The following RPS6KC1 variants were observed in gnomAD, a reference collection of about 807,000 sequenced individuals.
RPS6KC1 encodes the protein ribosomal protein S6 kinase C1, also known as inactive ribosomal protein S6 kinase delta-1.
In RPS6KC1, 54 loss-of-function variants were observed where a neutral mutation model predicts 103.8. The observed-to-expected ratio is 0.52, with a 90% CI of 0.42 to 0.65. The LOEUF is 0.65. Ranked by LOEUF, RPS6KC1 falls within the 30% of genes least tolerant of loss-of-function variation. RPS6KC1 has a pLI of 0.00. For missense variants in RPS6KC1, 1,151 were observed against 1,253.8 expected, an observed-to-expected ratio of 0.92 and a Z score of 1.24; for synonymous variants, 439 against 438.7, an observed-to-expected ratio of 1.00 and a Z score of -0.01.
At chr1:213,173,981 G>A (rs1488511797) in intron 7 of RPS6KC1, among the ~76,000 whole-genome samples, 1 of 152,186 alleles carries the variant, frequency 6.6e-6, no homozygotes, top group South Asian at 2.1e-4. Flanking sequence ...AGGAGATAGG[G>A]ATGTTGGAGA....
the RPS6KC1 span, among the ~76,000 whole-genome samples, chr1:213,503,397 T>A: frequency 2.6e-5 from 4 of 152,168 alleles, no homozygotes; most frequent in Non-Finnish European, 5.9e-5. Flanking sequence ...ATCAACAGAA[T>A]CTGGGTAGGC....
At chr1:213,404,816 T>TGATACTA in the RPS6KC1 span, among the ~76,000 whole-genome samples, 1 of 152,258 alleles carries the variant, frequency 6.6e-6, no homozygotes, top group Non-Finnish European at 1.5e-5. Context: ...TCTTCTCAAA[T>TGATACTA]GATACTAATG....
At chr1:213,684,468 T>TA in the RPS6KC1 span, among the ~76,000 whole-genome samples, 105 of 152,232 alleles carry the variant, frequency 6.9e-4, no homozygotes, top group Middle Eastern at 0.01. Context: ...AACACCCCAC[T>TA]AGGTGCCTGT....
At chr1:213,115,246 A>G (rs998886882) in intron 4 of RPS6KC1, among the ~76,000 whole-genome samples, 1 of 151,996 alleles carries the variant, frequency 6.6e-6, no homozygotes, top group African/African-American at 2.4e-5. Flanking sequence ...TTATTGGTCT[A>G]TTCAGAGATT....
At chr1:213,193,175 G>A (rs929609326) in intron 8 of RPS6KC1, among the ~76,000 whole-genome samples, 2 of 152,016 alleles carry the variant, frequency 1.3e-5, no homozygotes, top group African/African-American at 4.8e-5. Flanking sequence ...ATTTTCTATA[G>A]CCATTGGAAG....
the RPS6KC1 span, among the ~76,000 whole-genome samples, chr1:213,505,022 ATCTGGGTCACTGGAG>A: frequency 6.6e-6 from 1 of 152,024 alleles, no homozygotes; most frequent in African/African-American, 2.4e-5. Context: ...GGGACCCAAG[ATCTGGGTCACTGGAG>A]TCTATCAATG....
chr1:213,818,717 C>T, the RPS6KC1 span: 6 of 152,314 alleles, frequency 3.9e-5, no homozygotes, highest in Middle Eastern at 0.014. Context: ...AGGCATTTTT[C>T]TCTTCCCTGC....
In RPS6KC1 at chr1:213,190,493, A is replaced by G. The variant is rs1191369492; in HGVS notation, c.1044+14001A>G. On this transcript the variant is annotated intron_variant, in intron 8 of 14. Transcript: ENST00000366960. ...TTCACATCCTTTGTCCATGTTTTAA[A>G]TTAGACTTAGATTTTTTCCTATAGA... Among the ~76,000 whole-genome samples, 3 of 152,084 alleles carry G rather than the reference A, an allele frequency of 2.0e-5. No individual in the cohort carries two copies. The East Asian group carries it at 5.8e-4, about 29-fold the overall frequency.
chr1:213,402,904 G>A, the RPS6KC1 span, among the ~76,000 whole-genome samples: 1 of 148,934 alleles, frequency 6.7e-6, no homozygotes, highest in East Asian at 2.0e-4. Flanking sequence ...CACAAGGTCA[G>A]GAGACAGAGA....
At chr1:213,495,207 A>G in the RPS6KC1 span, among the ~76,000 whole-genome samples, 1 of 152,214 alleles carries the variant, frequency 6.6e-6, no homozygotes, top group East Asian at 1.9e-4. Context: ...ATAATAGTAA[A>G]AGGGAACACA....
intron 8 of RPS6KC1, among the ~76,000 whole-genome samples, chr1:213,200,379 T>TG (rs1489931261): frequency 2.0e-5 from 3 of 152,076 alleles, no homozygotes; most frequent in African/African-American, 7.2e-5. Context: ...AAACAAGCAA[T>TG]GGGGAAAGGA....
At chr1:213,411,188 CCTT>C in the RPS6KC1 span, among the ~76,000 whole-genome samples, 2 of 152,096 alleles carry the variant, frequency 1.3e-5, no homozygotes, top group African/African-American at 4.8e-5. Flanking sequence ...TTACGGAAGG[CCTT>C]CTTAATATAA....
the RPS6KC1 span, among the ~76,000 whole-genome samples, chr1:213,656,313 C>A: frequency 9.9e-5 from 15 of 152,150 alleles, no homozygotes; most frequent in Non-Finnish European, 1.0e-4. Flanking sequence ...TCGGGAGGGA[C>A]AAGGGGCTAG....
At chr1:213,152,939 G>T (rs911255718) in intron 6 of RPS6KC1, among the ~76,000 whole-genome samples, 4 of 152,236 alleles carry the variant, frequency 2.6e-5, no homozygotes, top group African/African-American at 9.6e-5. Flanking sequence ...CTGCACTCCA[G>T]CCTGGGCACC....
the RPS6KC1 span, among the ~76,000 whole-genome samples, chr1:213,564,594 T>C: frequency 6.6e-6 from 1 of 152,184 alleles, no homozygotes; most frequent in Non-Finnish European, 1.5e-5. Context: ...AGCTCAGTAG[T>C]GGTCAGTTTC....
chr1:213,804,928 C>A, the RPS6KC1 span, among the ~76,000 whole-genome samples: 1 of 152,096 alleles, frequency 6.6e-6, no homozygotes, highest in South Asian at 2.1e-4. Context: ...TCTTTCAGAC[C>A]ACTGCAATAA....
intron 6 of RPS6KC1, among the ~76,000 whole-genome samples, chr1:213,148,157 T>C (rs2088112004): frequency 6.6e-6 from 1 of 152,228 alleles, no homozygotes; most frequent in Admixed American, 6.5e-5. Flanking sequence ...ATTTGACTTC[T>C]TCCTTTCCAG....
chr1:213,130,503 T>C (rs2085486350), intron 6 of RPS6KC1, among the ~76,000 whole-genome samples: 1 of 152,210 alleles, frequency 6.6e-6, no homozygotes, highest in Non-Finnish European at 1.5e-5. Flanking sequence ...GCATGACTTT[T>C]TGGATGCAGT....
At chr1:213,324,454 A>G in the RPS6KC1 span, among the ~76,000 whole-genome samples, 1 of 152,100 alleles carries the variant, frequency 6.6e-6, no homozygotes, top group South Asian at 2.1e-4. Context: ...TTGATCTTGG[A>G]CTCCAAGCTT....
Sources: allele counts gnomAD v4.1 joint callset (sites outside exome capture counted in the v4.1 genomes callset), GRCh38; gene constraint gnomAD v4.1.1; transcripts MANE v1.5; gene names NCBI Gene and HGNC (gene_info 2026-07-23, HGNC 2026-07-21).